The following OLIG3 variants were observed in gnomAD, a reference collection of about 807,000 sequenced individuals.
The protein encoded by OLIG3 is oligodendrocyte transcription factor 3, also known as class B basic helix-loop-helix protein 7.
OLIG3 carries 12 observed loss-of-function variants against 14.7 expected under a neutral mutation model. The observed-to-expected ratio is 0.82, with a 90% CI of 0.52 to 1.32. The LOEUF (loss-of-function observed/expected upper bound fraction) is 1.32, where lower values mean the gene tolerates loss of function less well. Among genes scored for constraint, OLIG3 ranks in the 40% most tolerant of loss-of-function variants. The probability of loss-of-function intolerance (pLI) is 0.00; values close to 1 mark genes in which losing one functional copy is unlikely to be tolerated. For missense variants in OLIG3, 405 were observed against 373.7 expected (o/e 1.08, Z -0.69); for synonymous variants, 192 against 171.4 (o/e 1.12, Z -0.94).
In OLIG3 at chr6:137,494,013, C is replaced by G; in HGVS notation, c.158G>C (p.Gly53Ala). Residue 53 changes from glycine (G) to alanine (A), a missense_variant, in exon 1 of 1, where the codon GGG becomes GCG. Transcript: ENST00000367734. ...GGCGCCAGCCCGCGAGAGGCTTTCCCCGGGCATCTTCTGCATCATATCGCC... is the reference window on the plus strand; with the variant it reads ...GGCGCCAGCCCGCGAGAGGCTTTCCGCGGGCATCTTCTGCATCATATCGCC... ...TQGDMMQKMPGESLSRAGAKA... is the reference protein window; with the variant it reads ...TQGDMMQKMPAESLSRAGAKA... 8.7e-6 allele frequency: 14 copies of G among 1,613,366 alleles called. No homozygotes were observed. The highest frequency in any genetic ancestry group is 1.2e-5 in the Non-Finnish European group (14 of 1,180,044).
At position 137,494,084 on chromosome 6, in the gene OLIG3, G is replaced by A. The variant is rs141873687; in HGVS notation, c.87C>T (p.His29=). The A allele has an allele frequency of 3.7e-6, 6 of 1,611,896 alleles. No homozygotes were observed. Among genetic ancestry groups the A allele is most frequent in the Non-Finnish European group, 5.1e-6 (6 of 1,179,982 alleles). ...TGAGACGGCTCTCCTGGTGGTGGTG[G>A]TGGCGGTGGTGGTGGTCCCTCAGGT... ...EMYLRDHHHR[H]HHHQESRLNS... is the part of the protein sequence containing the mutation. Residue 29 remains histidine, a synonymous_variant, in exon 1 of 1, where the codon CAC becomes CAT. Transcript: ENST00000367734.
rs199826650 is a variant in OLIG3 at position 137,494,018 on chromosome 6, C to A, written c.153G>T (p.Met51Ile). 2 of 1,613,106 alleles carry A rather than the reference C, an allele frequency of 1.2e-6. No homozygotes were observed. Among genetic ancestry groups the A allele is most frequent in the East Asian group, 2.2e-5 (1 of 44,866 alleles). Residue 51 changes from methionine (M) to isoleucine (I), a missense_variant, in exon 1 of 1, where the codon ATG (methionine) becomes ATT (isoleucine). Physicochemically the swap from Met to Ile is conservative, Grantham distance 10 (BLOSUM62 1). Transcript: ENST00000367734. ...SSTQGDMMQK[M>I]PGESLSRAGA... is the part of the protein sequence containing the mutation. ...CAGCCCGCGAGAGGCTTTCCCCGGG[C>A]ATCTTCTGCATCATATCGCCCTGCG...
In OLIG3 at chr6:137,493,535, G is replaced by T; in HGVS notation, c.636C>A (p.Pro212=). The change falls in exon 1 of 1, where the codon CCC becomes CCA. Residue 212 remains proline, a synonymous_variant. Coordinates refer to ENST00000367734, the MANE Select transcript of OLIG3 (RefSeq NM_175747.2). The surrounding 1 kb of genome is among the most constrained non-coding windows in gnomAD (Gnocchi z 6.1). ...SLPAIGTIRP[P]HSLLKAPSTP... The stretch of plus-strand genomic sequence containing the variant: ...TGGAGGGCGCCTTGAGTAGCGAGTG[G>T]GGAGGCCGGATGGTGCCGATGGCGG... The T allele has an allele frequency of 6.3e-7, 1 of 1,581,066 alleles. No homozygotes were observed. The highest frequency in any genetic ancestry group is 2.3e-5 in the East Asian group (1 of 43,534).
chr6:137,494,297 A>G lies in OLIG3; in HGVS notation c.-127T>C, dbSNP rs1298933824. The G allele has an allele frequency of 2.5e-6, 2 of 809,548 alleles. No individual in the cohort carries two copies. The highest frequency in any genetic ancestry group is 3.9e-6 in the Non-Finnish European group (2 of 510,068). The allele number at this position is 809,548 out of a possible 1,614,324, so 50.1% of individuals were successfully genotyped here. A position where few individuals can be genotyped will look rare whatever the true frequency, so the allele number is the denominator to read the frequency against. On this transcript the variant is annotated 5_prime_UTR_variant, in exon 1 of 1. Coordinates refer to ENST00000367734, the MANE Select transcript of OLIG3 (RefSeq NM_175747.2). ...CTTCTCCGCGGCAAGACGTGAGAAG[A>G]AAAGCGGAGACGCTGCTTTTCCCCG... is the stretch of plus-strand genomic sequence containing the variant.
In OLIG3 at chr6:137,493,421, C is replaced by T. The variant is rs372901879; in HGVS notation, c.750G>A (p.Pro250=). The change falls in exon 1 of 1, where the codon CCG becomes CCA. Residue 250 remains proline (P), a synonymous_variant. Transcript: ENST00000367734. The surrounding 1 kb of genome is among the most constrained non-coding windows in gnomAD (Gnocchi z 6.1). ...PCTICQMPPP[P]HLSALSTANM... ...TGGCTGTGGAGAGAGCGGACAGGTGCGGCGGCGGCGGCATCTGGCAGATGG... is the reference window on the plus strand; with the variant it reads ...TGGCTGTGGAGAGAGCGGACAGGTGTGGCGGCGGCGGCATCTGGCAGATGG... The T allele has an allele frequency of 1.2e-4, 185 of 1,582,856 alleles. No individual in the cohort carries two copies. The African/African-American group carries it at 2.4e-3, about 20-fold the overall frequency.
Position 137,493,091 on chromosome 6 carries a change from A to C in OLIG3, c.*261T>G, listed in dbSNP as rs77114882. On this transcript the variant is annotated 3_prime_UTR_variant, in exon 1 of 1. Coordinates refer to ENST00000367734, the MANE Select transcript of OLIG3 (RefSeq NM_175747.2). The surrounding 1 kb of genome is among the most constrained non-coding windows in gnomAD (Gnocchi z 6.1). ...TGAAAAATACTGGCGCGGCATGGGGAAAAGAAGCATGCATGCAAAACACAC... is the reference window on the plus strand; with the variant it reads ...TGAAAAATACTGGCGCGGCATGGGGCAAAGAAGCATGCATGCAAAACACAC... 1.3e-5 allele frequency: 6 copies of C among 466,346 alleles called. No homozygotes were observed. Among genetic ancestry groups the C allele is most frequent in the Non-Finnish European group, 2.3e-5 (6 of 264,964 alleles). The allele number at this position is 466,346 out of a possible 1,614,324, so 28.9% of individuals were successfully genotyped here.
rs1336974282 is a variant in OLIG3 at position 137,492,244 on chromosome 6, C to G, written c.*1108G>C. 1 of 152,654 alleles carries G rather than the reference C, an allele frequency of 6.6e-6. No homozygotes were observed. Among genetic ancestry groups the G allele is most frequent in the African/African-American group, 2.4e-5 (1 of 41,404 alleles). The allele number at this position is 152,654 out of a possible 1,614,324, so 9.5% of individuals were successfully genotyped here. A position where few individuals can be genotyped will look rare whatever the true frequency, so the allele number is the denominator to read the frequency against. On this transcript the variant is annotated 3_prime_UTR_variant, in exon 1 of 1. Transcript: ENST00000367734. ...TTATTTGAAATCTCATCCAGAAACA[C>G]TGGTTATTAATAAATATATCATAGT...
Position 137,493,939 on chromosome 6 carries a change from C to G in OLIG3, c.232G>C (p.Glu78Gln), listed in dbSNP as rs757489346. Residue 78 changes from glutamate to glutamine, a missense_variant, in exon 1 of 1, where the codon GAG becomes CAG. Physicochemically the swap from Glu to Gln is conservative, Grantham distance 29. This residue lies in a region of OLIG3 where 165 missense variants were observed against 165.5 expected (regional missense o/e 1.00). Coordinates refer to ENST00000367734, the MANE Select transcript of OLIG3 (RefSeq NM_175747.2). The surrounding 1 kb of genome is among the most constrained non-coding windows in gnomAD (Gnocchi z 6.1). ...SKYKIKKQLS[E>Q]QDLQQLRLKI... ...AGCCTCAACTGCTGTAGGTCCTGCTCCGACAGCTGCTTCTTGATTTTGTAC... is the reference window on the plus strand; with the variant it reads ...AGCCTCAACTGCTGTAGGTCCTGCTGCGACAGCTGCTTCTTGATTTTGTAC... The G allele has an allele frequency of 9.3e-6, 15 of 1,614,118 alleles. No homozygotes were observed. Among genetic ancestry groups the G allele is most frequent in the Non-Finnish European group, 1.3e-5 (15 of 1,180,056 alleles).
chr6:137,493,970 G>T lies in OLIG3; in HGVS notation c.201C>A (p.Ser67Arg). Residue 67 changes from serine (S) to arginine (R), a missense_variant, in exon 1 of 1, where the codon AGC (serine) becomes AGA (arginine). Physicochemically the swap from Ser to Arg is moderately radical, Grantham distance 110 (BLOSUM62 -1). Coordinates refer to ENST00000367734, the MANE Select transcript of OLIG3 (RefSeq NM_175747.2). The surrounding 1 kb of genome is among the most constrained non-coding windows in gnomAD (Gnocchi z 6.1). Reference protein sequence around the residue: ...SRAGAKAAGESSKYKIKKQLS... With the variant: ...SRAGAKAAGERSKYKIKKQLS... The stretch of plus-strand genomic sequence containing the variant: ...GCTGCTTCTTGATTTTGTACTTGCT[G>T]CTCTCTCCCGCGGCCTTGGCGCCAG... 1 of 1,614,030 alleles carries T rather than the reference G, an allele frequency of 6.2e-7. No individual in the cohort carries two copies.
In OLIG3 at chr6:137,494,200, G is replaced by A; in HGVS notation, c.-30C>T. The A allele has an allele frequency of 6.4e-7, 1 of 1,565,808 alleles. No individual in the cohort carries two copies. The highest frequency in any genetic ancestry group is 2.2e-5 in the East Asian group (1 of 44,466). Reference sequence around the variant, plus strand: ...TTACAGGGGATGCGGCCCTACCGTGGGGAGGCTTTAGGCGGGAAATTAAAG... The same window carrying A: ...TTACAGGGGATGCGGCCCTACCGTGAGGAGGCTTTAGGCGGGAAATTAAAG... On this transcript the variant is annotated 5_prime_UTR_variant, in exon 1 of 1. Transcript: ENST00000367734.
Position 137,494,154 on chromosome 6 carries a change from C to T in OLIG3, c.17G>A (p.Ser6Asn), listed in dbSNP as rs773648626. 3 of 1,613,286 alleles carry T rather than the reference C, an allele frequency of 1.9e-6. No homozygotes were observed. The highest frequency in any genetic ancestry group is 1.7e-6 in the Non-Finnish European group (2 of 1,179,734). The change falls in exon 1 of 1, where the codon AGC (serine) becomes AAC (asparagine). Residue 6 changes from serine to asparagine, a missense_variant. This residue lies in a region of OLIG3 where 165 missense variants were observed against 165.5 expected (regional missense o/e 1.00). Transcript: ENST00000367734. Reference protein sequence around the residue: MNSDSSSVSSRASSPD... With the variant: MNSDSNSVSSRASSPD... ...AGATGAAGCTCTGCTGGAGACAGAG[C>T]TCGAATCAGAATTCATTTTATTACA...
chr6:137,493,385 C>T lies in OLIG3; in HGVS notation c.786G>A (p.Arg262=), dbSNP rs749807038. Residue 262 remains arginine, a synonymous_variant, in exon 1 of 1, where the codon CGG becomes CGA. Coordinates refer to ENST00000367734, the MANE Select transcript of OLIG3 (RefSeq NM_175747.2). The surrounding 1 kb of genome is among the most constrained non-coding windows in gnomAD (Gnocchi z 6.1). ...LSALSTANMA[R]LSAESKDLLK is the part of the protein sequence containing the mutation. ...GCAAGTCCTTGGACTCGGCCGACAG[C>T]CGGGCCATGTTGGCTGTGGAGAGAG... The T allele has an allele frequency of 3.8e-6, 6 of 1,592,872 alleles. No homozygotes were observed. Among genetic ancestry groups the T allele is most frequent in the Middle Eastern group, 1.7e-4 (1 of 5,862 alleles).
Position 137,493,894 on chromosome 6 carries a change from G to C in OLIG3, c.277C>G (p.Arg93Gly). The change falls in exon 1 of 1, where the codon CGC becomes GGC. Residue 93 changes from arginine to glycine, a missense_variant. Arg to Gly is a moderately radical substitution (Grantham distance 125). This residue lies in a region of OLIG3 where 165 missense variants were observed against 165.5 expected (regional missense o/e 1.00). Transcript: ENST00000367734. The surrounding 1 kb of genome is among the most constrained non-coding windows in gnomAD (Gnocchi z 6.1). ...AGGTTCAGGTCGTGCATCCGCTTGC[G>C]TTCGCGTCCGTTGATCTTCAGCCTC... ...QLRLKINGRE[R>G]KRMHDLNLAM... The C allele has an allele frequency of 6.2e-7, 1 of 1,614,246 alleles. No individual in the cohort carries two copies. Among genetic ancestry groups the C allele is most frequent in the Non-Finnish European group, 8.5e-7 (1 of 1,180,048 alleles).
rs759285762 is a variant in OLIG3 at position 137,493,898 on chromosome 6, G to T, written c.273C>A (p.Arg91=). 35 of 1,614,232 alleles carry T rather than the reference G, an allele frequency of 2.2e-5. No homozygotes were observed. The highest frequency in any genetic ancestry group is 2.9e-5 in the Non-Finnish European group (34 of 1,180,042). Residue 91 remains arginine, a synonymous_variant, in exon 1 of 1, where the codon CGC becomes CGA. Coordinates refer to ENST00000367734, the MANE Select transcript of OLIG3 (RefSeq NM_175747.2). The surrounding 1 kb of genome is among the most constrained non-coding windows in gnomAD (Gnocchi z 6.1). The part of the protein sequence containing the change: ...LQQLRLKING[R]ERKRMHDLNL... The stretch of plus-strand genomic sequence containing the variant: ...TCAGGTCGTGCATCCGCTTGCGTTC[G>T]CGTCCGTTGATCTTCAGCCTCAACT...
Position 137,494,036 on chromosome 6 carries a change from G to T in OLIG3, c.135C>A (p.Gly45=), listed in dbSNP as rs141060734. The part of the protein sequence containing the change: ...SRLNSVSSTQ[G]DMMQKMPGES... The stretch of plus-strand genomic sequence containing the variant: ...CCCCGGGCATCTTCTGCATCATATC[G>T]CCCTGCGTGGACGAGACCGAGTTGA... Residue 45 remains glycine (G), a synonymous_variant, in exon 1 of 1, where the codon GGC becomes GGA. Coordinates refer to ENST00000367734, the MANE Select transcript of OLIG3 (RefSeq NM_175747.2). 16 of 1,612,362 alleles carry T rather than the reference G, an allele frequency of 9.9e-6. No individual in the cohort carries two copies. Among genetic ancestry groups the T allele is most frequent in the African/African-American group, 4.0e-5 (3 of 74,904 alleles).
chr6:137,494,182 G>A lies in OLIG3; in HGVS notation c.-12C>T, dbSNP rs1436815589. ...GAATCAGAATTCATTTTATTACAGG[G>A]GATGCGGCCCTACCGTGGGGAGGCT... On this transcript the variant is annotated 5_prime_UTR_variant, in exon 1 of 1. Transcript: ENST00000367734. 3 of 1,604,622 alleles carry A rather than the reference G, an allele frequency of 1.9e-6. No individual in the cohort carries two copies. The highest frequency in any genetic ancestry group is 2.2e-5 in the East Asian group (1 of 44,764).
In OLIG3 at chr6:137,493,255, T is replaced by A; in HGVS notation, c.*97A>T. On this transcript the variant is annotated 3_prime_UTR_variant, in exon 1 of 1. Coordinates refer to ENST00000367734, the MANE Select transcript of OLIG3 (RefSeq NM_175747.2). The surrounding 1 kb of genome is among the most constrained non-coding windows in gnomAD (Gnocchi z 6.1). ...GCGGGCCCCGGAGCCTGCCCTCCCG[T>A]GGGCCGAGCGTGCAGCCTCCCTCTT... 1 of 1,017,362 alleles carries A rather than the reference T, an allele frequency of 9.8e-7. No individual in the cohort carries two copies. The highest frequency in any genetic ancestry group is 1.4e-6 in the Non-Finnish European group (1 of 732,398). 63.0% of individuals were successfully genotyped at this position (1,017,362 alleles called of 1,614,324 possible).
At position 137,493,354 on chromosome 6, in the gene OLIG3, A is replaced by C. The variant is rs1350447202; in HGVS notation, c.817T>G (p.Ter273GlyextTer47). 6 of 1,572,772 alleles carry C rather than the reference A, an allele frequency of 3.8e-6. No homozygotes were observed. The highest frequency in any genetic ancestry group is 4.3e-6 in the Non-Finnish European group (5 of 1,169,120). Reference sequence around the variant, plus strand: ...TGGCAGCCGGGCCCGCCCGCTGCTCACTTGAGCAAGTCCTTGGACTCGGCC... The same window carrying C: ...TGGCAGCCGGGCCCGCCCGCTGCTCCCTTGAGCAAGTCCTTGGACTCGGCC... ...LSAESKDLLK[*>G] Residue 273 changes from the stop codon to glycine, a stop_lost, in exon 1 of 1, where the codon TGA (stop) becomes GGA (glycine). Transcript: ENST00000367734. The surrounding 1 kb of genome is among the most constrained non-coding windows in gnomAD (Gnocchi z 6.1).
In OLIG3 at chr6:137,493,232, G is replaced by C; in HGVS notation, c.*120C>G. 1.3e-6 allele frequency: 1 copy of C among 771,500 alleles called. No individual in the cohort carries two copies. The highest frequency in any genetic ancestry group is 3.6e-5 in the Admixed American group (1 of 27,994). 47.8% of individuals were successfully genotyped at this position (771,500 alleles called of 1,614,324 possible). On this transcript the variant is annotated 3_prime_UTR_variant, in exon 1 of 1. Coordinates refer to ENST00000367734, the MANE Select transcript of OLIG3 (RefSeq NM_175747.2). The surrounding 1 kb of genome is among the most constrained non-coding windows in gnomAD (Gnocchi z 6.1). ...TCTCTCAGACAGCGTGGGAGGCTGC[G>C]GGCCCCGGAGCCTGCCCTCCCGTGG...
Sources: gnomAD v4.1 joint callset for allele counts on GRCh38, gnomAD v4.1.1 for gene constraint, gnomAD v4.1.1 regional missense constraint, Gnocchi (gnomAD v3.1) non-coding constraint, MANE v1.5 for transcripts, NCBI Gene and HGNC (gene_info 2026-07-23, HGNC 2026-07-21) for gene names.